CASR: variants seen among roughly 807,000 people sequenced by gnomAD.
The protein encoded by CASR is extracellular calcium-sensing receptor.
A neutral mutation model predicts 69.1 loss-of-function variants in CASR; 23 were observed. That is an observed-to-expected ratio of 0.33 (90% CI 0.24 to 0.47). The LOEUF is 0.47. Among genes scored for constraint, CASR ranks in the 20% least tolerant of loss-of-function variants. CASR has a pLI of 1.00. For missense variants in CASR, 924 were observed against 1,356.1 expected (o/e 0.68, Z 5.00); for synonymous variants, 541 against 544.7 (o/e 0.99, Z 0.10).
intron 1 of CASR, among the ~76,000 whole-genome samples, chr3:122,228,684 A>C (rs2074250746): frequency 6.6e-6 from 1 of 152,228 alleles, no homozygotes; most frequent in South Asian, 2.1e-4. Context: ...TTGATGGCTG[A>C]CATGCCACAC....
At chr3:122,221,702 C>T (rs570527023) in intron 1 of CASR, among the ~76,000 whole-genome samples, 4 of 152,266 alleles carry the variant, frequency 2.6e-5, no homozygotes, top group South Asian at 4.1e-4. Context: ...TCCCAGTACA[C>T]CTGGGAATAA....
chr3:122,186,544 A>G (rs1433201825), intron 1 of CASR, among the ~76,000 whole-genome samples: 1 of 152,216 alleles, frequency 6.6e-6, no homozygotes, highest in Non-Finnish European at 1.5e-5. Flanking sequence ...CTGGGAACTA[A>G]CTGGTATATA....
chr3:122,237,090 A>G (rs2074335471), intron 1 of CASR, among the ~76,000 whole-genome samples: 1 of 150,196 alleles, frequency 6.7e-6, no homozygotes, highest in Non-Finnish European at 1.5e-5. Context: ...AGAGATGCTA[A>G]TTGTAGCTAA....
intron 1 of CASR, among the ~76,000 whole-genome samples, chr3:122,219,993 C>T (rs2074154970): frequency 6.6e-6 from 1 of 152,204 alleles, no homozygotes. Flanking sequence ...AGTTTCAGCT[C>T]AGTTGCTGCT....
At chr3:122,234,045 G>A (rs749295042) in intron 1 of CASR, among the ~76,000 whole-genome samples, 7 of 152,298 alleles carry the variant, frequency 4.6e-5, no homozygotes, top group Middle Eastern at 3.4e-3. Context: ...GAGAAAGCTG[G>A]TGAAGTCAGC....
chr3:122,229,565 GAAGT>G (rs1175560180), intron 1 of CASR, among the ~76,000 whole-genome samples: 1 of 152,208 alleles, frequency 6.6e-6, no homozygotes, highest in African/African-American at 2.4e-5. Context: ...CTAAAAATTA[GAAGT>G]AAGAAGCCTC....
In CASR at chr3:122,285,442, G is replaced by C. The variant is rs904222689; in HGVS notation, c.*251G>C. On this transcript the variant is annotated 3_prime_UTR_variant, in exon 7 of 7. Transcript: ENST00000639785. ...CATTGAGATCTCCACGGTCAGATTT[G>C]CTGTTCACCCACATCTAATGTCTCT... is the stretch of plus-strand genomic sequence containing the variant. 4.4e-5 allele frequency: 21 copies of C among 480,752 alleles called. No individual in the cohort carries two copies. The highest frequency in any genetic ancestry group is 7.6e-6 in the Non-Finnish European group (2 of 263,128). 29.8% of individuals were successfully genotyped at this position (480,752 alleles called of 1,614,324 possible).
intron 3 of CASR, chr3:122,257,623 A>T: frequency 4.3e-6 from 2 of 465,420 alleles, no homozygotes; most frequent in Non-Finnish European, 7.6e-6. Context: ...CTTGCATAAA[A>T]CTGTGTCTTT....
chr3:122,194,462 C>T (rs2073869527), intron 1 of CASR, among the ~76,000 whole-genome samples: 1 of 152,042 alleles, frequency 6.6e-6, no homozygotes. Context: ...CCCTACCCAC[C>T]ACTTGTCCCT....
At chr3:122,276,942 A>G (rs1315908567) in intron 5 of CASR, among the ~76,000 whole-genome samples, 4 of 152,134 alleles carry the variant, frequency 2.6e-5, no homozygotes, top group Non-Finnish European at 5.9e-5. Context: ...CAGATCCTAG[A>G]CAGGGCATCC....
intron 4 of CASR, among the ~76,000 whole-genome samples, chr3:122,265,332 T>C (rs886272244): frequency 1.3e-5 from 2 of 152,174 alleles, no homozygotes; most frequent in African/African-American, 4.8e-5. Context: ...TCAACTCATA[T>C]GCCTCAAAAG....
At chr3:122,214,500 C>T (rs16832804) in intron 1 of CASR, among the ~76,000 whole-genome samples, 3,166 of 152,174 alleles carry the variant, frequency 0.021, 99 homozygotes, top group African/African-American at 0.073. Context: ...GTTCAGAAGG[C>T]GTAAACCTCA....
intron 1 of CASR, among the ~76,000 whole-genome samples, chr3:122,230,268 C>T (rs565943090): frequency 1.3e-5 from 2 of 152,224 alleles, no homozygotes; most frequent in Non-Finnish European, 2.9e-5. Context: ...GCAGCGATGA[C>T]GCCTCGCGGT....
At chr3:122,267,249 T>C (rs2074705257) in intron 4 of CASR, among the ~76,000 whole-genome samples, 1 of 152,198 alleles carries the variant, frequency 6.6e-6, no homozygotes, top group Admixed American at 6.5e-5. Context: ...AAAGAAATAT[T>C]AAAGATGTTT....
chr3:122,285,200 G>T lies in CASR; in HGVS notation c.*9G>T, dbSNP rs201221238. On this transcript the variant is annotated 3_prime_UTR_variant, in exon 7 of 7. Coordinates refer to ENST00000639785, the MANE Select transcript of CASR (RefSeq NM_000388.4). ...ACGTAGTGAATTCATAAAATGGAAG[G>T]AGAAGACTGGGCTAGGGAGAATGCA... 2 of 1,613,128 alleles carry T rather than the reference G, an allele frequency of 1.2e-6. No individual in the cohort carries two copies. The highest frequency in any genetic ancestry group is 1.7e-6 in the Non-Finnish European group (2 of 1,179,410).
chr3:122,235,021 A>C (rs142366509), intron 1 of CASR, among the ~76,000 whole-genome samples: 2 of 152,342 alleles, frequency 1.3e-5, no homozygotes, highest in African/African-American at 4.8e-5. Flanking sequence ...GAGCCCCTGA[A>C]GAGCTCATAG....
intron 1 of CASR, among the ~76,000 whole-genome samples, chr3:122,252,628 GAATT>G (rs2074510295): frequency 6.6e-6 from 1 of 151,860 alleles, no homozygotes; most frequent in African/African-American, 2.4e-5. Flanking sequence ...ATTCCAGAGA[GAATT>G]AAGAAGTAGA....
At chr3:122,230,061 C>T (rs865774737) in intron 1 of CASR, among the ~76,000 whole-genome samples, 6 of 152,288 alleles carry the variant, frequency 3.9e-5, no homozygotes, top group Middle Eastern at 3.4e-3. Context: ...TCTGAGATGC[C>T]TTCTTGGCCC....
At chr3:122,262,768 T>G (rs1217060238) in intron 4 of CASR, among the ~76,000 whole-genome samples, 1 of 152,172 alleles carries the variant, frequency 6.6e-6, no homozygotes, top group East Asian at 1.9e-4. Context: ...GTAAGAAGTA[T>G]TTTTTGAGTA....
Sources: gnomAD v4.1 joint callset for allele counts (sites outside exome capture counted in the v4.1 genomes callset) on GRCh38, gnomAD v4.1.1 for gene constraint, MANE v1.5 for transcripts, NCBI Gene and HGNC (gene_info 2026-07-23, HGNC 2026-07-21) for gene names.